The following PEX7 variants were observed in gnomAD, a reference collection of about 807,000 sequenced individuals.
PEX7 encodes peroxisomal biogenesis factor 7, also known as PTS2 receptor.
Under a neutral mutation model 47.5 loss-of-function variants are expected in PEX7, and 34 were observed. The ratio of observed to expected loss-of-function variants is 0.72; its 90% CI spans 0.54 to 0.95. PEX7 has a LOEUF of 0.95. Among genes scored for constraint, PEX7 ranks in the 40% least tolerant of loss-of-function variants. The probability of loss-of-function intolerance (pLI) is 0.00; values close to 1 mark genes in which losing one functional copy is unlikely to be tolerated. For missense variants in PEX7, 394 were observed against 400.3 expected (o/e 0.98, Z 0.13); for synonymous variants, 141 against 148.8 (o/e 0.95, Z 0.38).
chr6:136,871,288 A>G (rs1775177036), intron 7 of PEX7, among the ~76,000 whole-genome samples: 1 of 152,212 alleles, frequency 6.6e-6, no homozygotes, highest in Middle Eastern at 3.2e-3. Context: ...GCAAAGGTCA[A>G]CTTATTAAGT....
chr6:136,862,001 T>G (rs910847683), intron 5 of PEX7, among the ~76,000 whole-genome samples: 4 of 141,658 alleles, frequency 2.8e-5, no homozygotes, highest in Admixed American at 2.8e-4. Context: ...AAGCTATATA[T>G]ATATATTTTT....
chr6:136,875,158 A>AG (rs1775248877), intron 8 of PEX7, among the ~76,000 whole-genome samples: 1 of 88,302 alleles, frequency 1.1e-5, no homozygotes, highest in Non-Finnish European at 2.4e-5. Context: ...AAAAAAAAGA[A>AG]CTTTTTTTTT....
At chr6:136,856,779 G>GGGGCCA (rs1774869432) in intron 5 of PEX7, among the ~76,000 whole-genome samples, 1 of 152,174 alleles carries the variant, frequency 6.6e-6, no homozygotes, top group Admixed American at 6.5e-5. Flanking sequence ...TGGAGTCGAA[G>GGGGCCA]GGGCCAGTAT....
At chr6:136,850,244 T>A (rs927052387) in intron 5 of PEX7, among the ~76,000 whole-genome samples, 7 of 152,110 alleles carry the variant, frequency 4.6e-5, no homozygotes, top group African/African-American at 1.4e-4. Flanking sequence ...TTTTGAGCCT[T>A]TATGTGTCTC....
chr6:136,834,976 G>T (rs576668560), intron 3 of PEX7, among the ~76,000 whole-genome samples: 1 of 152,012 alleles, frequency 6.6e-6, no homozygotes, highest in African/African-American at 2.4e-5. Context: ...GTTCACTCTT[G>T]TTGCCCAGGC....
At chr6:136,897,124 G>A (rs118000684) in intron 8 of PEX7, among the ~76,000 whole-genome samples, 8,704 of 152,204 alleles carry the variant, frequency 0.057, 354 homozygotes, top group Admixed American at 0.12. Context: ...TATCCATAGC[G>A]ACAACCCTTT....
chr6:136,905,575 T>C (rs890744973), intron 9 of PEX7, among the ~76,000 whole-genome samples: 3 of 152,158 alleles, frequency 2.0e-5, no homozygotes, highest in African/African-American at 7.2e-5. Flanking sequence ...AATTTTGATA[T>C]TTGAAAAAAA....
chr6:136,850,144 A>G (rs1774713430), intron 5 of PEX7, among the ~76,000 whole-genome samples: 1 of 152,026 alleles, frequency 6.6e-6, no homozygotes, highest in African/African-American at 2.4e-5. Context: ...TGTTGTAAAA[A>G]AAAAGTCTGT....
In PEX7 at chr6:136,826,380, A is replaced by G. The variant is rs1774192390; in HGVS notation, c.250A>G (p.Ile84Val). 6.2e-7 allele frequency: 1 copy of G among 1,613,998 alleles called. No individual in the cohort carries two copies. The highest frequency in any genetic ancestry group is 1.1e-5 in the South Asian group (1 of 91,076). ...GAGTGAGAACAACGAACATGTCCTC[A>G]TCACCTGTAGTGGCGATGGCTCGCT... ...TWSENNEHVL[I>V]TCSGDGSLQL... Residue 84 changes from isoleucine (I) to valine (V), a missense_variant, in exon 3 of 10, where the codon ATC becomes GTC. Ile to Val is a conservative substitution (Grantham distance 29, BLOSUM62 3). Coordinates refer to ENST00000318471, the MANE Select transcript of PEX7 (RefSeq NM_000288.4).
intron 5 of PEX7, among the ~76,000 whole-genome samples, chr6:136,847,269 A>G (rs1774622708): frequency 6.6e-6 from 1 of 152,208 alleles, no homozygotes; most frequent in Middle Eastern, 3.2e-3. Flanking sequence ...AGTAGATTGC[A>G]GAAATTTTCT....
At chr6:136,848,290 A>G (rs9483956) in intron 5 of PEX7, among the ~76,000 whole-genome samples, 76,785 of 151,966 alleles carry the variant, frequency 0.51, 20,439 homozygotes, top group Non-Finnish European at 0.59. Context: ...ATCTGCAAAC[A>G]GGGACAATTT....
At chr6:136,869,758 A>G in intron 6 of PEX7, 132 bp from the exon 7 acceptor site, 1 of 787,220 alleles carries the variant, frequency 1.3e-6, no homozygotes, top group Non-Finnish European at 2.3e-6. Flanking sequence ...CTTGTTATAC[A>G]ACTTCTCAAA....
chr6:136,900,688 AC>A lies in PEX7; in HGVS notation c.903+2448del, dbSNP rs1775738414. 1 of 347,988 alleles carries A rather than the reference AC, an allele frequency of 2.9e-6. No homozygotes were observed. The highest frequency in any genetic ancestry group is 2.3e-5 in the South Asian group (1 of 43,236). 21.6% of individuals were successfully genotyped at this position (347,988 alleles called of 1,614,324 possible). A position where few individuals can be genotyped will look rare whatever the true frequency, so the allele number is the denominator to read the frequency against. On this transcript the variant is annotated intron_variant, in intron 9 of 9. Coordinates refer to ENST00000318471, the MANE Select transcript of PEX7 (RefSeq NM_000288.4). This position sits in a 1 kb window ranked among gnomAD's most constrained non-coding sequence, Gnocchi z 4.2. ...GAAGACAACCAGCTTGATGGGATCC[AC>A]GTCATGTGCAGTCACCGCCAGCTGA...
intron 5 of PEX7, among the ~76,000 whole-genome samples, chr6:136,864,316 A>T (rs534576827): frequency 8.5e-4 from 18 of 21,268 alleles, no homozygotes; most frequent in African/African-American, 3.1e-3. Context: ...TTTTTCTCAT[A>T]AAAAAAAAAC....
At chr6:136,866,926 G>A (rs933793590) in intron 6 of PEX7, among the ~76,000 whole-genome samples, 193 bp downstream of exon 6, 3 of 152,096 alleles carry the variant, frequency 2.0e-5, no homozygotes, top group Non-Finnish European at 4.4e-5. Flanking sequence ...CTCATGAAAC[G>A]GGCAAAATAA....
At position 136,884,561 on chromosome 6, in the gene PEX7, G is replaced by A. The variant is rs544371804; in HGVS notation, c.803+12308G>A. On this transcript the variant is annotated intron_variant, in intron 8 of 9. Transcript: ENST00000318471. ...ATTTAATTTTAAAATTGTTTATATG[G>A]TGGGTGTTATATCAAAACTGATGAT... 2.0e-5 allele frequency among the ~76,000 whole-genome samples: 3 copies of A among 152,146 alleles called. No individual in the cohort carries two copies. In the South Asian group the frequency reaches 6.2e-4, roughly 32 times the overall value.
intron 9 of PEX7, among the ~76,000 whole-genome samples, chr6:136,913,113 ACAG>A (rs2115299595): frequency 6.6e-6 from 1 of 152,336 alleles, no homozygotes; most frequent in Non-Finnish European, 1.5e-5. Context: ...CATCTTGTTC[ACAG>A]TCTGGAACGT....
intron 8 of PEX7, among the ~76,000 whole-genome samples, chr6:136,888,935 C>G (rs1322710117): frequency 1.3e-5 from 2 of 152,104 alleles, no homozygotes; most frequent in East Asian, 3.8e-4. Context: ...CACTGACTGA[C>G]TAATAGAATG....
intron 3 of PEX7, chr6:136,829,926 G>A (rs377489688): frequency 1.4e-4 from 97 of 688,866 alleles, no homozygotes; most frequent in African/African-American, 1.4e-3. Flanking sequence ...AACAGAGTGA[G>A]ACCCTGTCTT....
Sources: gnomAD v4.1 joint callset for allele counts (sites outside exome capture counted in the v4.1 genomes callset) on GRCh38, gnomAD v4.1.1 for gene constraint, Gnocchi (gnomAD v3.1) non-coding constraint, MANE v1.5 for transcripts, NCBI Gene and HGNC (gene_info 2026-07-23, HGNC 2026-07-21) for gene names.